DLG2: variants seen among roughly 807,000 people sequenced by gnomAD.
DLG2 encodes discs large MAGUK scaffold protein 2.
Under a neutral mutation model 132.5 loss-of-function variants are expected in DLG2, and 45 were observed. The ratio of observed to expected loss-of-function variants is 0.34; its 90% CI spans 0.27 to 0.44. The LOEUF is 0.44. Ranked by LOEUF, DLG2 falls within the 20% of genes least tolerant of loss-of-function variation. The pLI is 1.00. For synonymous variants in DLG2, 424 were observed against 419.6 expected (o/e 1.01, Z -0.13); for missense variants, 1,045 against 1,196.9 (o/e 0.87, Z 1.87).
chr11:83,611,729 AACTATT>A (rs1166040598), intron 19 of DLG2, among the ~76,000 whole-genome samples: 2 of 152,218 alleles, frequency 1.3e-5, no homozygotes, highest in African/African-American at 4.8e-5. Context: ...GGACTCACTT[AACTATT>A]CTCTTCTTTG....
chr11:83,963,033 G>T lies in DLG2; in HGVS notation c.1202-10C>A. ...ATTGGTGGAGAATAAGCTAAGAGGTGGGGGAAAAAGAGAAAAGAAACCTGT... is the reference window on the plus strand; with the variant it reads ...ATTGGTGGAGAATAAGCTAAGAGGTTGGGGAAAAAGAGAAAAGAAACCTGT... On this transcript the variant is annotated splice_polypyrimidine_tract_variant and intron_variant, in intron 13 of 27. Coordinates refer to ENST00000376104, the MANE Select transcript of DLG2 (RefSeq NM_001142699.3). 1 of 1,611,372 alleles carries T rather than the reference G, an allele frequency of 6.2e-7. No individual in the cohort carries two copies. Among genetic ancestry groups the T allele is most frequent in the Non-Finnish European group, 8.5e-7 (1 of 1,178,060 alleles).
At chr11:84,120,884 T>C (rs1031729102) in intron 9 of DLG2, among the ~76,000 whole-genome samples, 1 of 152,220 alleles carries the variant, frequency 6.6e-6, no homozygotes, top group Admixed American at 6.5e-5. Context: ...ACTATATCCT[T>C]ACATTCAGTC....
chr11:84,371,041 AG>A (rs2098704193), intron 7 of DLG2, among the ~76,000 whole-genome samples: 2 of 152,228 alleles, frequency 1.3e-5, no homozygotes, highest in African/African-American at 4.8e-5. Flanking sequence ...TTATGTCCAA[AG>A]GACCAAAGTC....
intron 6 of DLG2, among the ~76,000 whole-genome samples, chr11:84,673,229 T>A (rs2099707829): frequency 6.6e-6 from 1 of 152,116 alleles, no homozygotes; most frequent in Admixed American, 6.6e-5. Context: ...CTGACAATCA[T>A]GGAGCTGCCT....
chr11:84,531,421 A>G (rs1428740570), intron 7 of DLG2, among the ~76,000 whole-genome samples: 2 of 152,232 alleles, frequency 1.3e-5, no homozygotes, highest in Non-Finnish European at 2.9e-5. Flanking sequence ...CCAAACCTCC[A>G]TGATATGCAG....
intron 10 of DLG2, among the ~76,000 whole-genome samples, chr11:84,078,180 G>A (rs1021912248): frequency 9.2e-5 from 14 of 152,110 alleles, no homozygotes; most frequent in Non-Finnish European, 1.3e-4. Flanking sequence ...TTAAAGTTAA[G>A]AGTAAGACAA....
At chr11:85,133,287 A>G (rs949917406) in intron 5 of DLG2, among the ~76,000 whole-genome samples, 5 of 152,112 alleles carry the variant, frequency 3.3e-5, no homozygotes, top group African/African-American at 1.2e-4. Context: ...ACAAAAAACT[A>G]CCCGTCCCAT....
At chr11:84,986,301 G>C (rs1045660318) in intron 6 of DLG2, among the ~76,000 whole-genome samples, 4 of 151,868 alleles carry the variant, frequency 2.6e-5, no homozygotes, top group Non-Finnish European at 5.9e-5. Context: ...AGATTGAAAT[G>C]GTAATTTAAA....
intron 8 of DLG2, among the ~76,000 whole-genome samples, chr11:84,223,209 G>A (rs967875684): frequency 5.3e-4 from 80 of 152,120 alleles, no homozygotes; most frequent in African/African-American, 1.9e-3. Flanking sequence ...AGGACTTACT[G>A]TCCAGTAGTG....
At chr11:85,149,938 C>G (rs1233636880) in intron 5 of DLG2, among the ~76,000 whole-genome samples, 2 of 151,258 alleles carry the variant, frequency 1.3e-5, no homozygotes, top group South Asian at 4.2e-4. Flanking sequence ...TTAAAATTAC[C>G]TTTAATGCTG....
intron 8 of DLG2, among the ~76,000 whole-genome samples, chr11:84,227,689 A>G (rs569613715): frequency 2.0e-5 from 3 of 152,260 alleles, no homozygotes; most frequent in South Asian, 2.1e-4. Context: ...TGGGAGGCCA[A>G]TGTAGGCGGA....
intron 22 of DLG2, among the ~76,000 whole-genome samples, chr11:83,473,745 G>C (rs1180793483): frequency 6.6e-6 from 1 of 152,008 alleles, no homozygotes; most frequent in Non-Finnish European, 1.5e-5. Flanking sequence ...CACCTTTGCT[G>C]TATATCCTCA....
In DLG2 at chr11:85,154,559, TGTC is replaced by T. The variant is rs1374127283; in HGVS notation, c.276_278del (p.Thr94del). ...AAGAAAACAGTATAACACTTACAGT[TGTC>T]GTCTCATCAGTTTCATTTTCAAAAC... is the stretch of plus-strand genomic sequence containing the variant. On this transcript the variant is annotated inframe_deletion, in exon 5 of 28. Coordinates refer to ENST00000376104, the MANE Select transcript of DLG2 (RefSeq NM_001142699.3). 4.1e-6 allele frequency: 6 copies of T among 1,447,976 alleles called. No homozygotes were observed. The East Asian group carries it at 7.4e-5, about 18-fold the overall frequency. The allele number at this position is 1,447,976 out of a possible 1,614,324, so 89.7% of individuals were successfully genotyped here.
intron 18 of DLG2, among the ~76,000 whole-genome samples, chr11:83,744,415 C>A (rs2092757797): frequency 6.6e-6 from 1 of 152,162 alleles, no homozygotes; most frequent in Non-Finnish European, 1.5e-5. Context: ...AGATACAAAC[C>A]AAGTACTGCA....
At chr11:84,177,484 C>G (rs963786035) in intron 8 of DLG2, among the ~76,000 whole-genome samples, 2 of 152,160 alleles carry the variant, frequency 1.3e-5, no homozygotes, top group Admixed American at 6.6e-5. Context: ...GACATGTAGG[C>G]TAATCCTAAA....
At chr11:85,441,976 G>A (rs761941747) in intron 3 of DLG2, among the ~76,000 whole-genome samples, 23 of 151,976 alleles carry the variant, frequency 1.5e-4, no homozygotes, top group Non-Finnish European at 2.6e-4. Flanking sequence ...CCAGAATGAT[G>A]AGAAGAAAAC....
At chr11:85,307,176 A>G (rs1273920755) in intron 3 of DLG2, among the ~76,000 whole-genome samples, 1 of 152,222 alleles carries the variant, frequency 6.6e-6, no homozygotes, top group Non-Finnish European at 1.5e-5. Context: ...AACATTTGTT[A>G]AATGTATGAA....
chr11:84,956,538 G>A (rs999788214), intron 6 of DLG2, among the ~76,000 whole-genome samples: 5 of 152,130 alleles, frequency 3.3e-5, no homozygotes, highest in African/African-American at 1.2e-4. Context: ...CTAAGCCTAG[G>A]TCATAATCTT....
Position 85,456,796 on chromosome 11 carries a change from T to G in DLG2, c.40+141861A>C, listed in dbSNP as rs145723629. Among the ~76,000 whole-genome samples, 955 of 152,322 alleles carry G rather than the reference T, an allele frequency of 6.3e-3. 6 individuals carry two copies. The highest frequency in any genetic ancestry group is 0.014 in the Admixed American group (211 of 15,296). ...CGGTTTTGAGCAATTTTCTTGGTATTGGTTTCTATTTTATTGTACTGTGAT... is the reference window on the plus strand; with the variant it reads ...CGGTTTTGAGCAATTTTCTTGGTATGGGTTTCTATTTTATTGTACTGTGAT... On this transcript the variant is annotated intron_variant, in intron 3 of 27. Transcript: ENST00000376104.
Sources: allele counts gnomAD v4.1 joint callset (sites outside exome capture counted in the v4.1 genomes callset), GRCh38; gene constraint gnomAD v4.1.1; transcripts MANE v1.5; gene names NCBI Gene and HGNC (gene_info 2026-07-23, HGNC 2026-07-21).